ABCA10: variants seen among roughly 807,000 people sequenced by gnomAD.
ABCA10 encodes ATP binding cassette subfamily A member 10, also known as ATP-binding cassette sub-family A member 10.
In ABCA10, 169 loss-of-function variants were observed where a neutral mutation model predicts 187.5. The observed-to-expected ratio is 0.90, with a 90% confidence interval of 0.80 to 1.02. The LOEUF (loss-of-function observed/expected upper bound fraction) is 1.02, where lower values mean the gene tolerates loss of function less well. Ranked by LOEUF, ABCA10 falls within the 50% of genes least tolerant of loss-of-function variation. The pLI is 0.00. For synonymous variants in ABCA10, 574 were observed against 601.8 expected (o/e 0.95, Z 0.68); for missense variants, 1,727 against 1,812.4 (o/e 0.95, Z 0.86).
Position 69,187,857 on chromosome 17 carries a change from C to T in ABCA10, c.2154G>A (p.Glu718=), listed in dbSNP as rs200842023. ...CAGTATTTCTTGTCACATGTATTTT[C>T]TCTTGTTTCCCAATGTCAAAATCTA... ...DEPDFDIGKQ[E]KIHVTRNTGD... is the part of the protein sequence containing the mutation. Residue 718 remains glutamate, a synonymous_variant, in exon 19 of 39, where the codon GAG becomes GAA. Transcript: ENST00000690296. 2 of 1,613,666 alleles carry T rather than the reference C, an allele frequency of 1.2e-6. No homozygotes were observed. The highest frequency in any genetic ancestry group is 1.7e-6 in the Non-Finnish European group (2 of 1,179,676).
At chr17:69,151,699 C>T (rs888407847) in intron 36 of ABCA10, among the ~76,000 whole-genome samples, 2 of 152,126 alleles carry the variant, frequency 1.3e-5, no homozygotes, top group African/African-American at 4.8e-5. Flanking sequence ...TCAGCAAAAT[C>T]CTGTAGGTGA....
chr17:69,156,042 T>C lies in ABCA10; in HGVS notation c.3456-117A>G, dbSNP rs560872556. On this transcript the variant is annotated intron_variant, in intron 28 of 38. Transcript: ENST00000690296. ...TTAAAAAAGACTATCACATCATTAA[T>C]TTATTACCTACAAGATTCTTCTTGG... 2.7e-4 allele frequency: 328 copies of C among 1,196,064 alleles called. 1 individual carries two copies. The African/African-American group carries it at 3.8e-3, about 14-fold the overall frequency. 74.1% of individuals were successfully genotyped at this position (1,196,064 alleles called of 1,614,324 possible). A position where few individuals can be genotyped will look rare whatever the true frequency, so the allele number is the denominator to read the frequency against.
intron 16 of ABCA10, 74 bp from the exon 17 acceptor site, chr17:69,191,389 A>T (rs974670651): frequency 7.3e-7 from 1 of 1,370,604 alleles, no homozygotes; most frequent in Non-Finnish European, 9.6e-7. Context: ...ATAGTTTTCT[A>T]TTAAACAGCT....
intron 37 of ABCA10, among the ~76,000 whole-genome samples, chr17:69,149,576 G>A (rs1598081607): frequency 1.3e-5 from 2 of 152,106 alleles, no homozygotes; most frequent in Admixed American, 6.6e-5. Flanking sequence ...TCCTCCAACT[G>A]TTGCCTCTGT....
At chr17:69,210,996 G>A (rs960272311) in intron 9 of ABCA10, among the ~76,000 whole-genome samples, 2 of 151,216 alleles carry the variant, frequency 1.3e-5, no homozygotes, top group African/African-American at 2.4e-5. Context: ...TGGCACAGAT[G>A]TCGTGAGAAG....
intron 9 of ABCA10, among the ~76,000 whole-genome samples, chr17:69,202,345 T>C (rs577817517): frequency 6.6e-6 from 1 of 152,232 alleles, no homozygotes; most frequent in Non-Finnish European, 1.5e-5. Flanking sequence ...AAAACAAATA[T>C]TGAAAATAGT....
rs771048367 is a variant in ABCA10, at chr17:69,174,237, C to A, written c.3162+44G>T. Reference sequence around the variant, plus strand: ...CTTAAATTTGCATTTAAAAAAACTTCAAGGAAATTTAATATAAATGTGCAC... The same window carrying A: ...CTTAAATTTGCATTTAAAAAAACTTAAAGGAAATTTAATATAAATGTGCAC... On this transcript the variant is annotated intron_variant, in intron 25 of 38. Coordinates refer to ENST00000690296, the MANE Select transcript of ABCA10 (RefSeq NM_001377321.1). The A allele has an allele frequency of 3.6e-6, 5 of 1,388,156 alleles. No individual in the cohort carries two copies. In the African/African-American group the frequency reaches 6.0e-5, roughly 17 times the overall value. 86.0% of individuals were successfully genotyped at this position (1,388,156 alleles called of 1,614,324 possible).
At chr17:69,238,211 T>C (rs987657182) in intron 1 of ABCA10, among the ~76,000 whole-genome samples, 1 of 151,776 alleles carries the variant, frequency 6.6e-6, no homozygotes, top group South Asian at 2.1e-4. Flanking sequence ...AAAAGAGGCA[T>C]GGAACTGATT....
chr17:69,150,485 T>C (rs1245293268), intron 36 of ABCA10: 1 of 154,874 alleles, frequency 6.5e-6, no homozygotes, highest in Non-Finnish European at 1.4e-5. Flanking sequence ...AAAAAATTTT[T>C]TTCTTGACCT....
chr17:69,217,783 G>T (rs894491439), intron 6 of ABCA10, among the ~76,000 whole-genome samples: 2 of 152,032 alleles, frequency 1.3e-5, no homozygotes, highest in Non-Finnish European at 2.9e-5. Context: ...TTGGCAATGG[G>T]TTCTTATAAA....
intron 2 of ABCA10, among the ~76,000 whole-genome samples, chr17:69,226,712 T>C (rs913399568): frequency 6.6e-6 from 1 of 151,972 alleles, no homozygotes; most frequent in Non-Finnish European, 1.5e-5. Context: ...CCAAATAACA[T>C]GACATTAATC....
intron 29 of ABCA10, 115 bp downstream of exon 29, chr17:69,155,690 A>T: frequency 1.5e-6 from 2 of 1,311,212 alleles, no homozygotes; most frequent in Non-Finnish European, 2.1e-6. Context: ...ATAAGCTATA[A>T]ATAGAAATAT....
At chr17:69,159,602 C>G (rs1447041125) in intron 27 of ABCA10, among the ~76,000 whole-genome samples, 1 of 152,016 alleles carries the variant, frequency 6.6e-6, no homozygotes, top group Non-Finnish European at 1.5e-5. Context: ...TCTTCAGAAA[C>G]AATGGAGGCC....
intron 27 of ABCA10, 123 bp downstream of exon 27, chr17:69,163,951 G>T: frequency 8.0e-6 from 5 of 628,202 alleles, no homozygotes; most frequent in Non-Finnish European, 1.3e-5. Context: ...CCATTATATT[G>T]GAATGGAAAA....
chr17:69,192,980 T>G lies in ABCA10; in HGVS notation c.1780+130A>C, dbSNP rs542416873. On this transcript the variant is annotated intron_variant, in intron 15 of 38. Coordinates refer to ENST00000690296, the MANE Select transcript of ABCA10 (RefSeq NM_001377321.1). ...GTGACCTGTTGTAGCCAATGGCATG[T>G]GGAGGCTTGAAATGGGCTTCTGCAA... The G allele has an allele frequency of 3.1e-6, 4 of 1,304,820 alleles. No individual in the cohort carries two copies. The South Asian group carries it at 6.1e-5, about 20-fold the overall frequency. 80.8% of individuals were successfully genotyped at this position (1,304,820 alleles called of 1,614,324 possible). A position where few individuals can be genotyped will look rare whatever the true frequency, so the allele number is the denominator to read the frequency against.
At position 69,225,386 on chromosome 17, in the gene ABCA10, T is replaced by C; in HGVS notation, c.-28A>G. The C allele has an allele frequency of 6.2e-7, 1 of 1,612,072 alleles. No individual in the cohort carries two copies. The highest frequency in any genetic ancestry group is 8.5e-7 in the Non-Finnish European group (1 of 1,178,674). ...TCCTTTGTGTTATGTTACTGACTGG[T>C]GTATATGCCACTACCAGGCCAGAGT... On this transcript the variant is annotated 5_prime_UTR_variant, in exon 3 of 39. Coordinates refer to ENST00000690296, the MANE Select transcript of ABCA10 (RefSeq NM_001377321.1).
Position 69,187,805 on chromosome 17 carries a change from GA to G in ABCA10, c.2205del (p.Leu736PhefsTer30). On this transcript the variant is annotated frameshift_variant, in exon 19 of 39. Transcript: ENST00000690296. ...NTGDESEMEQ[V>X]LCSLPETRKA... ...TTTCTTGTTTCAGGAAGAGAACAAAGAACCTGTTCCATTTCAGACTCATCTC... is the reference window on the plus strand; with the variant it reads ...TTTCTTGTTTCAGGAAGAGAACAAAGACCTGTTCCATTTCAGACTCATCTC... The G allele has an allele frequency of 6.2e-7, 1 of 1,613,862 alleles. No homozygotes were observed. Among genetic ancestry groups the G allele is most frequent in the Non-Finnish European group, 8.5e-7 (1 of 1,179,794 alleles).
At chr17:69,156,698 C>T in intron 28 of ABCA10, 134 bp downstream of exon 28, 1 of 403,334 alleles carries the variant, frequency 2.5e-6, no homozygotes, top group East Asian at 4.4e-5. Flanking sequence ...ACATTCAGAT[C>T]TCAATTAGTA....
At chr17:69,179,993 T>C (rs553338693) in intron 22 of ABCA10, among the ~76,000 whole-genome samples, 1 of 152,326 alleles carries the variant, frequency 6.6e-6, no homozygotes, top group Admixed American at 6.5e-5. Flanking sequence ...GTCTTTACAG[T>C]AATGAAGAGT....
Sources: allele counts gnomAD v4.1 joint callset (sites outside exome capture counted in the v4.1 genomes callset), GRCh38; gene constraint gnomAD v4.1.1; transcripts MANE v1.5; gene names NCBI Gene and HGNC (gene_info 2026-07-23, HGNC 2026-07-21).